Variants in ADAMTS17 observed in about 807,000 individuals in gnomAD.
The protein encoded by ADAMTS17 is ADAM metallopeptidase with thrombospondin type 1 motif 17, also known as A disintegrin and metalloproteinase with thrombospondin motifs 17.
ADAMTS17 carries 113 observed loss-of-function variants against 141.5 expected under a neutral mutation model. The observed-to-expected ratio is 0.80, with a 90% CI of 0.69 to 0.93. ADAMTS17 has a LOEUF of 0.93. Among genes scored for constraint, ADAMTS17 ranks in the 40% least tolerant of loss-of-function variants. ADAMTS17 has a pLI of 0.00. For synonymous variants in ADAMTS17, 768 were observed against 630.6 expected (o/e 1.22, Z -3.27); for missense variants, 1,659 against 1,517.9 (o/e 1.09, Z -1.54).
chr15:100,107,420 T>C (rs1306779555), intron 14 of ADAMTS17, among the ~76,000 whole-genome samples: 1 of 152,168 alleles, frequency 6.6e-6, no homozygotes, highest in Admixed American at 6.5e-5. Flanking sequence ...TCACTAGCTC[T>C]TGGTGGGCTC....
intron 12 of ADAMTS17, among the ~76,000 whole-genome samples, chr15:100,117,522 T>A (rs1419200426): frequency 6.6e-6 from 1 of 152,206 alleles, no homozygotes; most frequent in Non-Finnish European, 1.5e-5. Flanking sequence ...GGGCTTTGAC[T>A]GGAGACCAGT....
At position 100,154,780 on chromosome 15, in the gene ADAMTS17, C is replaced by T. The variant is rs148093739; in HGVS notation, c.1322+400G>A. ...CTGAGCAAACCCACCCCTCATCCCC[C>T]AGCAAATTCACTCCCTCTCTAGGCA... On this transcript the variant is annotated intron_variant, in intron 9 of 21. Transcript: ENST00000268070. Among the ~76,000 whole-genome samples the T allele has an allele frequency of 6.6e-5, 10 of 152,322 alleles. No homozygotes were observed. The East Asian group carries it at 1.9e-3, about 29-fold the overall frequency.
chr15:100,324,349 A>G (rs893927765), intron 3 of ADAMTS17, among the ~76,000 whole-genome samples: 17 of 152,160 alleles, frequency 1.1e-4, no homozygotes, highest in African/African-American at 3.9e-4. Context: ...AGCAAATCTG[A>G]CCACATGTTA....
chr15:100,021,697 G>C (rs184034688), intron 18 of ADAMTS17, among the ~76,000 whole-genome samples: 1 of 152,322 alleles, frequency 6.6e-6, no homozygotes, highest in East Asian at 1.9e-4. Context: ...AATATATGCA[G>C]AGAAACAAAA....
intron 7 of ADAMTS17, among the ~76,000 whole-genome samples, chr15:100,202,758 G>A (rs1006140913): frequency 7.9e-5 from 12 of 152,192 alleles, no homozygotes; most frequent in Non-Finnish European, 1.6e-4. Context: ...CCATATGCTG[G>A]TGCTTGTCAA....
rs111589454 is a variant in ADAMTS17, at chr15:99,992,179, T to TA, written c.2949+868dup. Reference sequence around the variant, plus strand: ...CTTTCTGCACATGTACCTCAGAACTTAAAAAAAAAATGCTAGCCACTAATT... The same window carrying TA: ...CTTTCTGCACATGTACCTCAGAACTTAAAAAAAAAAATGCTAGCCACTAATT... On this transcript the variant is annotated intron_variant, in intron 20 of 21. Transcript: ENST00000268070. 4.0e-5 allele frequency among the ~76,000 whole-genome samples: 6 copies of TA among 149,724 alleles called. No homozygotes were observed. In the East Asian group the frequency reaches 5.9e-4, roughly 15 times the overall value.
chr15:100,145,406 C>T (rs746033073), intron 10 of ADAMTS17, among the ~76,000 whole-genome samples: 2 of 152,178 alleles, frequency 1.3e-5, no homozygotes, highest in South Asian at 2.1e-4. Context: ...CAGCATCTAG[C>T]AAGTAGTAGT....
chr15:100,000,617 G>A lies in ADAMTS17; in HGVS notation c.2592-3028C>T, dbSNP rs569553752. On this transcript the variant is annotated intron_variant, in intron 18 of 21. Coordinates refer to ENST00000268070, the MANE Select transcript of ADAMTS17 (RefSeq NM_139057.4). ...CAACCTCCACCTCCCAGGTTCAAGC[G>A]ATTTTCCTGCCTCAGCCTCCTGAGT... 2.7e-4 allele frequency among the ~76,000 whole-genome samples: 41 copies of A among 152,306 alleles called. No homozygotes were observed. In the South Asian group the frequency reaches 7.9e-3, roughly 29 times the overall value.
At chr15:100,089,432 CA>C (rs2035310665) in intron 15 of ADAMTS17, among the ~76,000 whole-genome samples, 2 of 150,154 alleles carry the variant, frequency 1.3e-5, no homozygotes. Flanking sequence ...GGCGATTCCT[CA>C]GGGATCTAGA....
At chr15:100,078,984 T>C (rs778589746) in intron 15 of ADAMTS17, among the ~76,000 whole-genome samples, 1 of 152,204 alleles carries the variant, frequency 6.6e-6, no homozygotes, top group Admixed American at 6.5e-5. Flanking sequence ...ATATTAGTCA[T>C]TAGGGAAGTG....
intron 20 of ADAMTS17, among the ~76,000 whole-genome samples, chr15:99,983,968 G>A (rs1435288777): frequency 6.6e-6 from 1 of 152,048 alleles, no homozygotes; most frequent in East Asian, 1.9e-4. Flanking sequence ...CCTCGGAAGC[G>A]GTTGAAACCT....
chr15:100,204,552 C>G (rs563705627), intron 7 of ADAMTS17, among the ~76,000 whole-genome samples: 1 of 152,242 alleles, frequency 6.6e-6, no homozygotes, highest in Non-Finnish European at 1.5e-5. Context: ...GTCTTAGAGG[C>G]TAGGATGTGA....
At chr15:100,037,641 T>C (rs904830291) in intron 18 of ADAMTS17, among the ~76,000 whole-genome samples, 1 of 152,046 alleles carries the variant, frequency 6.6e-6, no homozygotes, top group Non-Finnish European at 1.5e-5. Flanking sequence ...ACTCCTGAGC[T>C]CAGGAGATCC....
intron 7 of ADAMTS17, among the ~76,000 whole-genome samples, chr15:100,239,297 A>T (rs1399312250): frequency 2.6e-5 from 4 of 152,226 alleles, no homozygotes; most frequent in African/African-American, 9.6e-5. Flanking sequence ...TGACGTTCTC[A>T]GCAGATGGTA....
At position 100,294,593 on chromosome 15, in the gene ADAMTS17, G is replaced by A. The variant is rs567171489; in HGVS notation, c.617-13192C>T. Reference sequence around the variant, plus strand: ...GATGGTGGCACGTGCTTGTAGTCCCGGCGACTCAGGAGGCTGAGGTCGGAG... The same window carrying A: ...GATGGTGGCACGTGCTTGTAGTCCCAGCGACTCAGGAGGCTGAGGTCGGAG... On this transcript the variant is annotated intron_variant, in intron 3 of 21. Coordinates refer to ENST00000268070, the MANE Select transcript of ADAMTS17 (RefSeq NM_139057.4). Among the ~76,000 whole-genome samples the A allele has an allele frequency of 4.0e-5, 6 of 150,458 alleles. No individual in the cohort carries two copies. The South Asian group carries it at 6.3e-4, about 16-fold the overall frequency.
intron 7 of ADAMTS17, 126 bp from the exon 8 acceptor site, chr15:100,199,549 C>T (rs2041243372): frequency 2.5e-6 from 2 of 800,660 alleles, no homozygotes; most frequent in Admixed American, 3.5e-5. Context: ...TGACTATGAG[C>T]CTCAGCCCAC....
intron 8 of ADAMTS17, among the ~76,000 whole-genome samples, chr15:100,197,902 T>C (rs2041180679): frequency 6.6e-6 from 1 of 152,160 alleles, no homozygotes; most frequent in Non-Finnish European, 1.5e-5. Context: ...GAAACCATCA[T>C]CCTCAGCAAA....
chr15:100,087,612 C>T (rs1456949104), intron 15 of ADAMTS17, among the ~76,000 whole-genome samples: 2 of 152,132 alleles, frequency 1.3e-5, no homozygotes, highest in Admixed American at 1.3e-4. Flanking sequence ...AAACCGAATC[C>T]AGCAGCACAT....
intron 15 of ADAMTS17, among the ~76,000 whole-genome samples, chr15:100,066,667 C>A (rs1178531935): frequency 6.6e-6 from 1 of 152,244 alleles, no homozygotes; most frequent in Non-Finnish European, 1.5e-5. Context: ...ACTTGAAATA[C>A]ATTTTTCCAC....
Sources: gnomAD v4.1 joint callset for allele counts (sites outside exome capture counted in the v4.1 genomes callset) on GRCh38, gnomAD v4.1.1 for gene constraint, MANE v1.5 for transcripts, NCBI Gene and HGNC (gene_info 2026-07-23, HGNC 2026-07-21) for gene names.